The following PCDHGB1 variants were observed in gnomAD, a reference collection of about 807,000 sequenced individuals.
PCDHGB1 encodes protocadherin gamma subfamily B, 1, also known as protocadherin gamma-B1.
PCDHGB1 carries 34 observed loss-of-function variants against 56.6 expected under a neutral mutation model. That is an observed-to-expected ratio of 0.60 (90% confidence interval 0.46 to 0.80). PCDHGB1 has a LOEUF of 0.80. PCDHGB1 is among the 30% of genes least tolerant of loss of function. PCDHGB1 has a pLI of 0.00. For synonymous variants in PCDHGB1, 561 were observed against 505.9 expected (o/e 1.11, Z -1.46); for missense variants, 1,278 against 1,204.6 (o/e 1.06, Z -0.90).
At chr5:141,422,345 A>G in intron 1 of PCDHGB1, 1 of 1,551,648 alleles carries the variant, frequency 6.4e-7, no homozygotes, top group South Asian at 1.3e-5. Context: ...CTAAATGTGC[A>G]AGATCAAGAT....
At chr5:141,419,318 G>A in intron 1 of PCDHGB1, 1 of 1,613,992 alleles carries the variant, frequency 6.2e-7, no homozygotes, top group Non-Finnish European at 8.5e-7. Flanking sequence ...CAACGGCCGT[G>A]TCTCCTACTC....
chr5:141,404,683 GGCACCCCGCTCT>G (rs1306876302), intron 1 of PCDHGB1: 2 of 1,614,070 alleles, frequency 1.2e-6, no homozygotes, highest in Admixed American at 1.7e-5. Context: ...GTGTGGAGCT[GGCACCCCGCTCT>G]GCAGAGCCTG....
rs1330659052 is a variant in PCDHGB1, at chr5:141,490,012, G to T, written c.2410-4795G>T. On this transcript the variant is annotated intron_variant, in intron 1 of 3. Transcript: ENST00000523390. The surrounding 1 kb of genome is among the most constrained non-coding windows in gnomAD (Gnocchi z 5.4). ...GGGAATCCCAGAGAATGCACCCATT[G>T]GTACTCTGCTGCTCCGCCTCAATGC... The T allele has an allele frequency of 1.2e-6, 2 of 1,614,232 alleles. No homozygotes were observed. Among genetic ancestry groups the T allele is most frequent in the East Asian group, 4.5e-5 (2 of 44,888 alleles).
At chr5:141,406,497 G>A (rs918411920) in intron 1 of PCDHGB1, among the ~76,000 whole-genome samples, 2 of 152,200 alleles carry the variant, frequency 1.3e-5, no homozygotes, top group African/African-American at 4.8e-5. Context: ...TCACAAGTGT[G>A]TAAAGTCTGT....
chr5:141,426,173 G>A (rs2096919271), intron 1 of PCDHGB1: 1 of 155,348 alleles, frequency 6.4e-6, no homozygotes, highest in African/African-American at 2.4e-5. Flanking sequence ...TACGGATTGG[G>A]GTGCCCTCAA....
At chr5:141,508,681 C>T (rs970069) in intron 3 of PCDHGB1, among the ~76,000 whole-genome samples, 26,289 of 151,984 alleles carry the variant, frequency 0.17, 2,539 homozygotes, top group Admixed American at 0.29. Flanking sequence ...CTCCCTTCTC[C>T]CTGCTTCTCC....
At chr5:141,373,389 A>G (rs1769537538) in intron 1 of PCDHGB1, among the ~76,000 whole-genome samples, 1 of 152,210 alleles carries the variant, frequency 6.6e-6, no homozygotes, top group South Asian at 2.1e-4. Context: ...GTGTTTGTGT[A>G]GCATATGCCT....
chr5:141,482,574 A>C (rs1294997781), intron 1 of PCDHGB1, among the ~76,000 whole-genome samples: 2 of 151,592 alleles, frequency 1.3e-5, no homozygotes, highest in Non-Finnish European at 2.9e-5. Context: ...GCATAGCATA[A>C]GATGCAGTGG....
chr5:141,466,223 T>C (rs1313406487), intron 1 of PCDHGB1, among the ~76,000 whole-genome samples: 1 of 152,096 alleles, frequency 6.6e-6, no homozygotes, highest in African/African-American at 2.4e-5. Context: ...CAGGCTGGAG[T>C]GCAGTGGCAC....
chr5:141,375,892 G>T (rs753797132), intron 1 of PCDHGB1: 1 of 1,613,794 alleles, frequency 6.2e-7, no homozygotes, highest in African/African-American at 1.3e-5. Context: ...AGAACGCCTG[G>T]CTGTCCTACC....
chr5:141,477,212 C>T lies in PCDHGB1; in HGVS notation c.2410-17595C>T, dbSNP rs1488282405. On this transcript the variant is annotated intron_variant, in intron 1 of 3. Coordinates refer to ENST00000523390, the MANE Select transcript of PCDHGB1 (RefSeq NM_018922.3). This position sits in a 1 kb window ranked among gnomAD's most constrained non-coding sequence, Gnocchi z 4.9. ...GTACAGCCCAGTACCCGAGGATGCC[C>T]CTCTGGGGACTGTCATCGCTTTGCT... 11 of 1,614,048 alleles carry T rather than the reference C, an allele frequency of 6.8e-6. No individual in the cohort carries two copies. The highest frequency in any genetic ancestry group is 1.3e-5 in the African/African-American group (1 of 74,918).
rs370603640 is a variant in PCDHGB1, at chr5:141,365,604, T to A, written c.2409+12935T>A. Reference sequence around the variant, plus strand: ...GATTATAATATCACTTTAACCGTCATGGACCATGGAACCCCGCCCCTCTCT... The same window carrying A: ...GATTATAATATCACTTTAACCGTCAAGGACCATGGAACCCCGCCCCTCTCT... On this transcript the variant is annotated intron_variant, in intron 1 of 3. Coordinates refer to ENST00000523390, the MANE Select transcript of PCDHGB1 (RefSeq NM_018922.3). 2.5e-6 allele frequency: 4 copies of A among 1,613,672 alleles called. No individual in the cohort carries two copies. The South Asian group carries it at 4.4e-5, about 18-fold the overall frequency.
In PCDHGB1 at chr5:141,477,157, CA is replaced by C. The variant is rs1240879989; in HGVS notation, c.2410-17648del. 2.5e-6 allele frequency: 4 copies of C among 1,614,064 alleles called. No homozygotes were observed. Among genetic ancestry groups the C allele is most frequent in the Non-Finnish European group, 3.4e-6 (4 of 1,180,046 alleles). ...TGGTGGAGGTTGTGGATGTGAATGACAACGCCCCGGAGATCACAGTCACCTC... is the reference window on the plus strand; with the variant it reads ...TGGTGGAGGTTGTGGATGTGAATGACACGCCCCGGAGATCACAGTCACCTC... On this transcript the variant is annotated intron_variant, in intron 1 of 3. Coordinates refer to ENST00000523390, the MANE Select transcript of PCDHGB1 (RefSeq NM_018922.3). This position sits in a 1 kb window ranked among gnomAD's most constrained non-coding sequence, Gnocchi z 4.9.
Position 141,477,395 on chromosome 5 carries a change from A to G in PCDHGB1, c.2410-17412A>G. The G allele has an allele frequency of 1.9e-6, 3 of 1,614,126 alleles. No individual in the cohort carries two copies. The highest frequency in any genetic ancestry group is 1.3e-5 in the African/African-American group (1 of 75,020). ...GACTGTGCCAGAATACAACCTCAGC[A>G]TCACCGCCCGAGACGCCGGAACCCC... On this transcript the variant is annotated intron_variant, in intron 1 of 3. Transcript: ENST00000523390. The surrounding 1 kb of genome is among the most constrained non-coding windows in gnomAD (Gnocchi z 4.9).
intron 1 of PCDHGB1, chr5:141,383,954 T>C: frequency 6.2e-7 from 1 of 1,613,650 alleles, no homozygotes; most frequent in Non-Finnish European, 8.5e-7. Flanking sequence ...ATGACGTCTT[T>C]AAGTAGCTCA....
chr5:141,494,927 G>A, intron 2 of PCDHGB1, 62 bp downstream of exon 2: 1 of 1,613,516 alleles, frequency 6.2e-7, no homozygotes, highest in Non-Finnish European at 8.5e-7. Flanking sequence ...GATGACGTGG[G>A]AGGAGATGGG....
intron 1 of PCDHGB1, among the ~76,000 whole-genome samples, chr5:141,435,367 A>C (rs2097758993): frequency 1.3e-5 from 2 of 152,194 alleles, no homozygotes; most frequent in African/African-American, 4.8e-5. Flanking sequence ...TTTATCACTT[A>C]AATATACAAT....
intron 1 of PCDHGB1, chr5:141,394,892 C>T (rs267600457): frequency 4.5e-4 from 723 of 1,613,752 alleles, no homozygotes; most frequent in Non-Finnish European, 5.8e-4. Context: ...CACTCTATCT[C>T]GTGGTGGCAG....
intron 1 of PCDHGB1, chr5:141,365,650 G>A (rs1764040779): frequency 6.2e-7 from 1 of 1,613,296 alleles, no homozygotes; most frequent in South Asian, 1.1e-5. Flanking sequence ...ACATCCCCTT[G>A]AAAGTAGCAG....
Sources: gnomAD v4.1 joint callset for allele counts (sites outside exome capture counted in the v4.1 genomes callset) on GRCh38, gnomAD v4.1.1 for gene constraint, Gnocchi (gnomAD v3.1) non-coding constraint, MANE v1.5 for transcripts, NCBI Gene and HGNC (gene_info 2026-07-23, HGNC 2026-07-21) for gene names.